WNK1: variants seen among roughly 807,000 people sequenced by gnomAD.
WNK1 encodes the protein serine/threonine-protein kinase WNK1.
In WNK1, 38 loss-of-function variants were observed where a neutral mutation model predicts 222.8. The ratio of observed to expected loss-of-function variants is 0.17; its 90% CI spans 0.13 to 0.22. WNK1 has a LOEUF of 0.22. Among genes scored for constraint, WNK1 ranks in the 10% least tolerant of loss-of-function variants. The pLI, the probability that WNK1 is intolerant of heterozygous loss-of-function variation, is 1.00. For synonymous variants in WNK1, 1,090 were observed against 1,092.9 expected, an observed-to-expected ratio of 1.00 and a Z score of 0.05; for missense variants, 2,348 against 2,918.4, an observed-to-expected ratio of 0.80 and a Z score of 4.50.
At chr12:824,063 T>C (rs1948143861) in intron 2 of WNK1, among the ~76,000 whole-genome samples, 1 of 151,942 alleles carries the variant, frequency 6.6e-6, no homozygotes, top group Non-Finnish European at 1.5e-5. Context: ...CATGCCACCA[T>C]GCCCAGCTAG....
chr12:766,509 C>T (rs866334135), intron 1 of WNK1, among the ~76,000 whole-genome samples: 8 of 151,610 alleles, frequency 5.3e-5, no homozygotes, highest in Non-Finnish European at 7.4e-5. Flanking sequence ...GAGACAGTCT[C>T]GCTCTGTCAC....
At chr12:792,735 C>A (rs1944962512) in intron 1 of WNK1, among the ~76,000 whole-genome samples, 1 of 152,124 alleles carries the variant, frequency 6.6e-6, no homozygotes, top group Non-Finnish European at 1.5e-5. Context: ...TTGACCCTAA[C>A]CTCCTTTACT....
intron 8 of WNK1, chr12:868,662 GAGA>G: frequency 3.1e-6 from 5 of 1,613,958 alleles, no homozygotes; most frequent in Non-Finnish European, 4.2e-6. Flanking sequence ...TCCTCTTCAG[GAGA>G]AGGAGGTGGA....
chr12:888,411 A>G (rs569356376), intron 20 of WNK1, among the ~76,000 whole-genome samples: 1 of 152,340 alleles, frequency 6.6e-6, no homozygotes, highest in Admixed American at 6.5e-5. Context: ...TTTCTAAGGG[A>G]GTATAAAGTG....
chr12:824,668 TAA>T (rs1263899154), intron 2 of WNK1, among the ~76,000 whole-genome samples: 2 of 75,740 alleles, frequency 2.6e-5, no homozygotes, highest in Non-Finnish European at 6.5e-5. Flanking sequence ...TGGGAATAGT[TAA>T]AAAAAAGAGA....
At position 908,861 on chromosome 12, in the gene WNK1, G is replaced by GGGCCC; in HGVS notation, c.*69_*70insGGCCC. 2.0e-6 allele frequency: 1 copy of GGGCCC among 491,846 alleles called. No individual in the cohort carries two copies. The highest frequency in any genetic ancestry group is 4.1e-6 in the Non-Finnish European group (1 of 241,770). 30.5% of individuals were successfully genotyped at this position (491,846 alleles called of 1,614,324 possible). On this transcript the variant is annotated 3_prime_UTR_variant, in exon 28 of 28. Transcript: ENST00000315939. ...ATGCTGAGGGGGTGGGTGGGGGTGG[G>GGGCCC]AAGTAGCCTATATACTAACTACTAG...
intron 1 of WNK1, among the ~76,000 whole-genome samples, chr12:785,314 GT>G (rs1227486947): frequency 2.0e-5 from 3 of 151,838 alleles, no homozygotes; most frequent in Non-Finnish European, 4.4e-5. Context: ...CTTGCCCTCT[GT>G]TTTTTATGTT....
At chr12:775,586 G>A (rs536673613) in intron 1 of WNK1, among the ~76,000 whole-genome samples, 2 of 152,140 alleles carry the variant, frequency 1.3e-5, no homozygotes, top group Admixed American at 1.3e-4. Flanking sequence ...GGTGGTACAT[G>A]CCTGGAGTCC....
intron 6 of WNK1, among the ~76,000 whole-genome samples, 168 bp downstream of exon 6, chr12:859,632 G>GTGTGTGTGTGGTT (rs369513114): frequency 8.2e-6 from 1 of 122,640 alleles, no homozygotes; most frequent in South Asian, 2.6e-4. Flanking sequence ...GTGTGTGTGT[G>GTGTGTGTGTGGTT]TTTTTTTTTT....
At chr12:901,750 C>T (rs1955277572) in intron 26 of WNK1, 1 of 599,954 alleles carries the variant, frequency 1.7e-6, no homozygotes, top group Admixed American at 3.1e-5. Context: ...TTTTGTATAT[C>T]ATCTACTCAG....
At chr12:838,042 C>A (rs1284498298) in intron 4 of WNK1, among the ~76,000 whole-genome samples, 1 of 137,478 alleles carries the variant, frequency 7.3e-6, no homozygotes, top group Non-Finnish European at 1.6e-5. Context: ...AGCAAATGTT[C>A]ATGCTTCATT....
chr12:769,918 A>G (rs1205165915), intron 1 of WNK1, among the ~76,000 whole-genome samples: 1 of 151,954 alleles, frequency 6.6e-6, no homozygotes, highest in Non-Finnish European at 1.5e-5. Context: ...TAGCTGCATT[A>G]ATTCATTCAT....
rs186751381 is a variant in WNK1 at position 825,815 on chromosome 12, A to G, written c.933-1227A>G. Among the ~76,000 whole-genome samples the G allele has an allele frequency of 6.6e-4, 101 of 152,094 alleles. 3 individuals are homozygous for G. The East Asian group carries it at 0.014, about 21-fold the overall frequency. The stretch of plus-strand genomic sequence containing the variant: ...AGTATTATAGATTTTCCTTTAACCA[A>G]TCATGTGTGTATTTTAAAGATACTG... On this transcript the variant is annotated intron_variant, in intron 2 of 27. Transcript: ENST00000315939.
chr12:881,294 T>C (rs1206235411), intron 12 of WNK1, among the ~76,000 whole-genome samples: 1 of 152,218 alleles, frequency 6.6e-6, no homozygotes, highest in African/African-American at 2.4e-5. Flanking sequence ...ACTTTTTCCA[T>C]TGGCAGTCAT....
At chr12:883,724 T>C (rs1471551846) in intron 16 of WNK1, 50 bp from the exon 17 acceptor site, 1 of 1,610,114 alleles carries the variant, frequency 6.2e-7, no homozygotes, top group Non-Finnish European at 8.5e-7. Flanking sequence ...CTTTGCCTAG[T>C]CATTGAGATT....
chr12:878,486 A>G (rs976311514), intron 10 of WNK1, 125 bp downstream of exon 10: 12 of 1,060,428 alleles, frequency 1.1e-5, no homozygotes, highest in African/African-American at 1.6e-5. Context: ...AGGGTAACCA[A>G]CCCTTGAAGT....
At chr12:816,428 C>G (rs1036047266) in intron 2 of WNK1, among the ~76,000 whole-genome samples, 4 of 151,236 alleles carry the variant, frequency 2.6e-5, no homozygotes, top group Non-Finnish European at 5.9e-5. Context: ...CACCACCATA[C>G]CTGTCTAATA....
At chr12:897,119 T>C (rs144848147) in intron 24 of WNK1, among the ~76,000 whole-genome samples, 2 of 152,362 alleles carry the variant, frequency 1.3e-5, no homozygotes, top group African/African-American at 2.4e-5. Context: ...TCTTTATTTA[T>C]TAGTCCACTA....
In WNK1 at chr12:859,632, G is replaced by GTGTGTGTGTGTGTGTGTGGT. The variant is rs369513114; in HGVS notation, c.1620+169_1620+170insGTGTGTGTGTGTGTGTGGTT. On this transcript the variant is annotated intron_variant, in intron 6 of 27. Coordinates refer to ENST00000315939, the MANE Select transcript of WNK1 (RefSeq NM_018979.4). ...ATTAGTGGGATTTTCGTGTGTGTGT[G>GTGTGTGTGTGTGTGTGTGGT]TTTTTTTTTTTTTTAAACTTCTTTG... Among the ~76,000 whole-genome samples, 92 of 122,658 alleles carry GTGTGTGTGTGTGTGTGTGGT rather than the reference G, an allele frequency of 7.5e-4. 1 individual carries two copies. Among genetic ancestry groups the GTGTGTGTGTGTGTGTGTGGT allele is most frequent in the African/African-American group, 2.6e-3 (87 of 33,774 alleles). 80.5% of individuals were successfully genotyped at this position (122,658 alleles called of 152,430 possible).
Sources: allele counts gnomAD v4.1 joint callset (sites outside exome capture counted in the v4.1 genomes callset), GRCh38; gene constraint gnomAD v4.1.1; transcripts MANE v1.5; gene names NCBI Gene and HGNC (gene_info 2026-07-23, HGNC 2026-07-21).